Variants in UGT1A6 observed in about 807,000 individuals in gnomAD.
UGT1A6 encodes the protein UDP glucuronosyltransferase family 1 member A6.
UGT1A6 carries 32 observed loss-of-function variants against 44.4 expected under a neutral mutation model. The observed-to-expected ratio is 0.72, with a 90% CI of 0.54 to 0.97. UGT1A6 has a LOEUF of 0.97. Ranked by LOEUF, UGT1A6 falls within the 50% of genes least tolerant of loss-of-function variation. The pLI, the probability that UGT1A6 is intolerant of heterozygous loss-of-function variation, is 0.00. For missense variants in UGT1A6, 685 were observed against 661.9 expected (o/e 1.03, Z -0.38); for synonymous variants, 238 against 248.5 (o/e 0.96, Z 0.40).
intron 1 of UGT1A6, among the ~76,000 whole-genome samples, chr2:233,723,539 T>A (rs866604181): frequency 9.1e-6 from 1 of 110,330 alleles, no homozygotes; most frequent in African/African-American, 3.8e-5. Flanking sequence ...TTTTTTTTAA[T>A]TTATTTTTTT....
At chr2:233,722,501 C>T (rs767685172) in intron 1 of UGT1A6, among the ~76,000 whole-genome samples, 36 of 152,106 alleles carry the variant, frequency 2.4e-4, no homozygotes, top group Non-Finnish European at 3.8e-4. Context: ...TTTTCCGTTT[C>T]GTTAATTGCA....
chr2:233,713,640 C>T, intron 1 of UGT1A6: 1 of 1,613,940 alleles, frequency 6.2e-7, no homozygotes. Flanking sequence ...CATGCTCTAC[C>T]CTCTGGCCCT....
chr2:233,764,474 A>G (rs1415490690), intron 1 of UGT1A6, among the ~76,000 whole-genome samples: 1 of 152,114 alleles, frequency 6.6e-6, no homozygotes, highest in East Asian at 1.9e-4. Context: ...CTGCTATTTA[A>G]CTTCGAATGT....
chr2:233,704,728 A>G (rs1466296326), intron 1 of UGT1A6, among the ~76,000 whole-genome samples: 1 of 152,076 alleles, frequency 6.6e-6, no homozygotes, highest in Non-Finnish European at 1.5e-5. Context: ...TTTGCTCCCA[A>G]CTGCCTCCCT....
At chr2:233,730,394 T>C (rs1343780073) in intron 1 of UGT1A6, among the ~76,000 whole-genome samples, 2 of 152,242 alleles carry the variant, frequency 1.3e-5, no homozygotes, top group Non-Finnish European at 2.9e-5. Context: ...GATGCAACAG[T>C]AAATTACAAT....
chr2:233,756,842 A>T (rs544297535), intron 1 of UGT1A6, among the ~76,000 whole-genome samples: 73 of 152,236 alleles, frequency 4.8e-4, no homozygotes, highest in African/African-American at 1.7e-3. Context: ...TTAACCAAAG[A>T]ACATTCTAAC....
intron 1 of UGT1A6, chr2:233,741,805 CTTAA>C (rs1691775177): frequency 6.6e-6 from 1 of 151,910 alleles, no homozygotes; most frequent in African/African-American, 2.4e-5. Flanking sequence ...GCATGCTGCT[CTTAA>C]TTTTTTTCAG....
At chr2:233,738,669 A>C (rs1295571840) in intron 1 of UGT1A6, among the ~76,000 whole-genome samples, 2 of 152,218 alleles carry the variant, frequency 1.3e-5, no homozygotes, top group African/African-American at 4.8e-5. Context: ...CTTGAGAGAG[A>C]TGATCTGAAA....
At chr2:233,707,771 T>TA (rs2075986737) in intron 1 of UGT1A6, among the ~76,000 whole-genome samples, 2 of 152,230 alleles carry the variant, frequency 1.3e-5, no homozygotes. Context: ...AGTGGGTTTT[T>TA]AGAGTATATA....
chr2:233,751,060 C>T (rs1694630836), intron 1 of UGT1A6, among the ~76,000 whole-genome samples: 1 of 151,896 alleles, frequency 6.6e-6, no homozygotes, highest in South Asian at 2.1e-4. Flanking sequence ...GACACAGACA[C>T]TCAATGCCAG....
chr2:233,698,201 C>T (rs1027505391), intron 1 of UGT1A6, among the ~76,000 whole-genome samples: 2 of 152,102 alleles, frequency 1.3e-5, no homozygotes, highest in Non-Finnish European at 2.9e-5. Flanking sequence ...TATCAACATG[C>T]ACTTTTAATT....
Position 233,769,514 on chromosome 2 carries a change from A to G in UGT1A6, c.1301+1075A>G. 2 of 1,612,844 alleles carry G rather than the reference A, an allele frequency of 1.2e-6. No homozygotes were observed. The highest frequency in any genetic ancestry group is 1.7e-6 in the Non-Finnish European group (2 of 1,179,856). ...ATGAGAGTGTCCATTGCTTTCTCCCATGGTTACCTCCTTTAGAAAGAAGCA... is the reference window on the plus strand; with the variant it reads ...ATGAGAGTGTCCATTGCTTTCTCCCGTGGTTACCTCCTTTAGAAAGAAGCA... On this transcript the variant is annotated intron_variant, in intron 4 of 4. Transcript: ENST00000305139. This position sits in a 1 kb window ranked among gnomAD's most constrained non-coding sequence, Gnocchi z 4.4.
At chr2:233,699,371 A>G (rs2075501772) in intron 1 of UGT1A6, among the ~76,000 whole-genome samples, 2 of 152,194 alleles carry the variant, frequency 1.3e-5, no homozygotes, top group South Asian at 4.1e-4. Flanking sequence ...TGGTATGGCT[A>G]GATTTCAAAT....
intron 1 of UGT1A6, chr2:233,750,763 G>T (rs1694554656): frequency 6.6e-6 from 1 of 152,010 alleles, no homozygotes; most frequent in East Asian, 1.9e-4. Context: ...CATCGATGTG[G>T]TGTTGGGCCT....
intron 1 of UGT1A6, chr2:233,713,111 C>G: frequency 6.2e-7 from 1 of 1,614,252 alleles, no homozygotes; most frequent in Non-Finnish European, 8.5e-7. Context: ...ATGGCAGCCA[C>G]TGGCTCAGCA....
At position 233,768,257 on chromosome 2, in the gene UGT1A6, T is replaced by C. The variant is rs139698110; in HGVS notation, c.1119T>C (p.Gly373=). ...CCCGTGCCTTTATCACCCATGCTGG[T>C]TCCCATGGTGTTTATGAAAGCATAT... ...PMTRAFITHA[G]SHGVYESICN... is the part of the protein sequence containing the mutation. The change falls in exon 4 of 5, where the codon GGT becomes GGC. Residue 373 remains glycine, a synonymous_variant. Transcript: ENST00000305139. 1.8e-3 allele frequency: 2,975 copies of C among 1,614,198 alleles called. 7 individuals are homozygous for C. Among genetic ancestry groups the C allele is most frequent in the Non-Finnish European group, 2.4e-3 (2,868 of 1,180,032 alleles).
Position 233,693,130 on chromosome 2 carries a change from G to T in UGT1A6, c.126G>T (p.Met42Ile). Reference protein sequence around the residue: ...VPQDGSHWLSMKDIVEVLSDR... With the variant: ...VPQDGSHWLSIKDIVEVLSDR... ...AGGACGGAAGCCACTGGCTTAGTAT[G>T]AAGGATATAGTTGAGGTTCTCAGTG... Residue 42 changes from methionine to isoleucine, a missense_variant, in exon 1 of 5, where the codon ATG becomes ATT. Transcript: ENST00000305139. 6.2e-7 allele frequency: 1 copy of T among 1,614,242 alleles called. No individual in the cohort carries two copies. Among genetic ancestry groups the T allele is most frequent in the South Asian group, 1.1e-5 (1 of 91,076 alleles).
intron 1 of UGT1A6, among the ~76,000 whole-genome samples, chr2:233,721,183 C>T (rs1370349767): frequency 6.6e-6 from 1 of 152,264 alleles, no homozygotes; most frequent in South Asian, 2.1e-4. Context: ...GATCAAACCA[C>T]AAGATATTTG....
At chr2:233,698,000 T>C (rs1454032719) in intron 1 of UGT1A6, among the ~76,000 whole-genome samples, 1 of 152,170 alleles carries the variant, frequency 6.6e-6, no homozygotes, top group Non-Finnish European at 1.5e-5. Context: ...GGAAAAAATA[T>C]CATTTCTGCA....
Sources: gnomAD v4.1 joint callset for allele counts (sites outside exome capture counted in the v4.1 genomes callset) on GRCh38, gnomAD v4.1.1 for gene constraint, Gnocchi (gnomAD v3.1) non-coding constraint, MANE v1.5 for transcripts, NCBI Gene and HGNC (gene_info 2026-07-23, HGNC 2026-07-21) for gene names.